The following ROBO1 variants were observed in gnomAD, a reference collection of about 807,000 sequenced individuals.
ROBO1 encodes roundabout homolog 1.
Under a neutral mutation model 195.9 loss-of-function variants are expected in ROBO1, and 149 were observed. That is an observed-to-expected ratio of 0.76 (90% CI 0.67 to 0.87). ROBO1 has a LOEUF of 0.87. ROBO1 is among the 40% of genes least tolerant of loss of function. The pLI is 0.00. For missense variants in ROBO1, 1,933 were observed against 2,068.3 expected (o/e 0.93, Z 1.27); for synonymous variants, 816 against 733.2 (o/e 1.11, Z -1.82).
At chr3:79,318,914 A>G (rs2033857245) in intron 2 of ROBO1, among the ~76,000 whole-genome samples, 1 of 152,234 alleles carries the variant, frequency 6.6e-6, no homozygotes, top group South Asian at 2.1e-4. Flanking sequence ...AGAAATAGGT[A>G]AAATGAATTT....
intron 23 of ROBO1, chr3:78,634,555 A>C (rs770416288): frequency 3.1e-6 from 1 of 323,112 alleles, no homozygotes; most frequent in South Asian, 2.5e-5. Context: ...CAAGCAGTAT[A>C]AACAATAAAT....
intron 3 of ROBO1, among the ~76,000 whole-genome samples, chr3:79,055,795 C>T (rs535091979): frequency 1.1e-4 from 17 of 152,148 alleles, no homozygotes; most frequent in South Asian, 2.1e-4. Context: ...TTTTTAATGG[C>T]GGCCGCTGCC....
At chr3:79,348,354 G>A (rs2109253753) in intron 2 of ROBO1, among the ~76,000 whole-genome samples, 1 of 152,166 alleles carries the variant, frequency 6.6e-6, no homozygotes, top group East Asian at 1.9e-4. Flanking sequence ...TTTGATCATG[G>A]CCAAAGTTGA....
intron 2 of ROBO1, among the ~76,000 whole-genome samples, chr3:79,564,232 A>G (rs1943019010): frequency 6.6e-6 from 1 of 152,100 alleles, no homozygotes; most frequent in African/African-American, 2.4e-5. Flanking sequence ...TGGAACTCCA[A>G]GGTTTTTCTG....
chr3:79,706,682 C>T (rs1376823977), intron 1 of ROBO1, among the ~76,000 whole-genome samples: 1 of 152,016 alleles, frequency 6.6e-6, no homozygotes, highest in Non-Finnish European at 1.5e-5. Context: ...TTTCCCTGCA[C>T]AAACTCTCTT....
intron 1 of ROBO1, among the ~76,000 whole-genome samples, chr3:79,751,390 A>G (rs1704124137): frequency 6.6e-6 from 1 of 152,230 alleles, no homozygotes; most frequent in Non-Finnish European, 1.5e-5. Flanking sequence ...TAGCACTGCA[A>G]TATAAATGTA....
chr3:79,017,928 T>C (rs2077991844), intron 3 of ROBO1, among the ~76,000 whole-genome samples: 1 of 152,152 alleles, frequency 6.6e-6, no homozygotes, highest in African/African-American at 2.4e-5. Flanking sequence ...TAATAACCCC[T>C]TGTGCTCGGA....
intron 1 of ROBO1, among the ~76,000 whole-genome samples, chr3:79,709,346 TTA>T (rs1377443124): frequency 6.6e-6 from 1 of 152,148 alleles, no homozygotes; most frequent in African/African-American, 2.4e-5. Context: ...TATGTAATTA[TTA>T]TGTTTCAAAA....
In ROBO1 at chr3:78,734,659, A is replaced by G. The variant is rs569063256; in HGVS notation, c.657+12084T>C. On this transcript the variant is annotated intron_variant, in intron 5 of 30. Transcript: ENST00000464233. ...GAATCATCTCAGGAGATTTAAGAGA[A>G]TACTAACAAACAGTTTGCAACAGTC... Among the ~76,000 whole-genome samples the G allele has an allele frequency of 9.7e-4, 148 of 152,228 alleles. 1 individual carries two copies. The highest frequency in any genetic ancestry group is 3.3e-3 in the African/African-American group (139 of 41,566).
At chr3:79,233,724 T>C (rs949502253) in intron 2 of ROBO1, among the ~76,000 whole-genome samples, 5 of 152,098 alleles carry the variant, frequency 3.3e-5, no homozygotes, top group Non-Finnish European at 5.9e-5. Context: ...ATTTTAAAAA[T>C]AAACTCCGTT....
chr3:79,209,672 T>G (rs1247338046), intron 2 of ROBO1, among the ~76,000 whole-genome samples: 1 of 152,078 alleles, frequency 6.6e-6, no homozygotes, highest in Non-Finnish European at 1.5e-5. Flanking sequence ...TTGTTTTATT[T>G]TTTAATTTTT....
chr3:78,598,908 T>C lies in ROBO1; in HGVS notation c.*5A>G. ...CATTAGATCTCATAAGCCTCTTGGT[T>C]GTCTTCAGCTTTCAGTTTCCTGTAA... On this transcript the variant is annotated 3_prime_UTR_variant, in exon 31 of 31. Transcript: ENST00000464233. 6.4e-7 allele frequency: 1 copy of C among 1,572,552 alleles called. No individual in the cohort carries two copies. The highest frequency in any genetic ancestry group is 8.7e-7 in the Non-Finnish European group (1 of 1,155,222).
intron 25 of ROBO1, among the ~76,000 whole-genome samples, chr3:78,629,872 G>A (rs1366844093): frequency 2.0e-5 from 3 of 152,128 alleles, no homozygotes; most frequent in Non-Finnish European, 2.9e-5. Context: ...GGTAAAACAA[G>A]GATACACTTT....
At chr3:79,647,943 C>T (rs1945882281) in intron 1 of ROBO1, among the ~76,000 whole-genome samples, 1 of 152,026 alleles carries the variant, frequency 6.6e-6, no homozygotes, top group Admixed American at 6.6e-5. Context: ...CAATGTCTCA[C>T]ATTAGAATTT....
chr3:79,583,402 T>C (rs1296429003), intron 2 of ROBO1, among the ~76,000 whole-genome samples: 2 of 151,974 alleles, frequency 1.3e-5, no homozygotes, highest in Non-Finnish European at 2.9e-5. Context: ...CTACAAATTA[T>C]GATTTTTCTT....
intron 4 of ROBO1, among the ~76,000 whole-genome samples, chr3:78,849,595 T>C (rs2033905735): frequency 6.6e-6 from 1 of 151,926 alleles, no homozygotes; most frequent in African/African-American, 2.4e-5. Flanking sequence ...GTTGTCTTTG[T>C]GTCATTTAAA....
rs35456279 is a variant in ROBO1 at position 78,635,874 on chromosome 3, C to T, written c.3272G>A (p.Ser1091Asn). The T allele has an allele frequency of 0.044, 71,342 of 1,613,840 alleles. 1,732 individuals carry two copies. Among genetic ancestry groups the T allele is most frequent in the Non-Finnish European group, 0.05 (58,577 of 1,179,812 alleles). ...SNLSNNMNNG[S>N]GDSGEKHWKP... ...CCAGTGCTTCTCGCCAGAGTCCCCG[C>T]TGCCATTGTTCATGTTGTTGCTGAG... The change falls in exon 23 of 31, where the codon AGC (serine) becomes AAC (asparagine). Residue 1091 changes from serine to asparagine, a missense_variant. By Grantham distance (46) the Ser-to-Asn change is conservative. Coordinates refer to ENST00000464233, the MANE Select transcript of ROBO1 (RefSeq NM_002941.4).
chr3:79,007,729 A>G (rs888455233), intron 3 of ROBO1, among the ~76,000 whole-genome samples: 3 of 152,216 alleles, frequency 2.0e-5, no homozygotes, highest in Non-Finnish European at 4.4e-5. Flanking sequence ...GGTTAAATCA[A>G]GCTAATTAAC....
intron 2 of ROBO1, among the ~76,000 whole-genome samples, chr3:79,128,883 A>G (rs1451193164): frequency 6.6e-6 from 1 of 152,178 alleles, no homozygotes; most frequent in African/African-American, 2.4e-5. Context: ...GTATAGAACT[A>G]ATGCCTCATC....
Sources: gnomAD v4.1 joint callset for allele counts (sites outside exome capture counted in the v4.1 genomes callset) on GRCh38, gnomAD v4.1.1 for gene constraint, MANE v1.5 for transcripts, NCBI Gene and HGNC (gene_info 2026-07-23, HGNC 2026-07-21) for gene names.